C10orf90: variants seen among roughly 807,000 people sequenced by gnomAD.
The protein encoded by C10orf90 is chromosome 10 open reading frame 90, also known as (E2-independent) E3 ubiquitin-conjugating enzyme FATS.
C10orf90 carries 56 observed loss-of-function variants against 62.5 expected under a neutral mutation model. The ratio of observed to expected loss-of-function variants is 0.90; its 90% CI spans 0.72 to 1.12. The LOEUF is 1.12. C10orf90 is among the 50% of genes most tolerant of loss of function. The pLI is 0.00. For missense variants in C10orf90, 970 were observed against 880.4 expected (o/e 1.10, Z -1.29); for synonymous variants, 386 against 340.4 (o/e 1.13, Z -1.47).
chr10:126,606,894 A>G (rs1396912535), intron 2 of C10orf90, among the ~76,000 whole-genome samples: 3 of 152,244 alleles, frequency 2.0e-5, no homozygotes, highest in African/African-American at 7.2e-5. Context: ...GACAATAGCC[A>G]TCAGAAGAGT....
chr10:126,432,233 G>C (rs971981316), intron 7 of C10orf90, among the ~76,000 whole-genome samples: 2 of 152,214 alleles, frequency 1.3e-5, no homozygotes, highest in African/African-American at 4.8e-5. Flanking sequence ...CACTGGAGCA[G>C]CTTTGGGCAC....
chr10:126,566,065 C>A (rs1261450732), intron 2 of C10orf90, among the ~76,000 whole-genome samples: 1 of 152,190 alleles, frequency 6.6e-6, no homozygotes, highest in African/African-American at 2.4e-5. Context: ...TGAGTGGGCT[C>A]ATTGCCCAGC....
intron 2 of C10orf90, among the ~76,000 whole-genome samples, chr10:126,559,369 C>G (rs1192559939): frequency 6.6e-6 from 1 of 152,174 alleles, no homozygotes; most frequent in Non-Finnish European, 1.5e-5. Flanking sequence ...TATGGCTCAG[C>G]TTTTTTATGG....
intron 4 of C10orf90, among the ~76,000 whole-genome samples, chr10:126,488,547 G>C (rs1861556476): frequency 6.6e-6 from 1 of 151,652 alleles, no homozygotes; most frequent in Non-Finnish European, 1.5e-5. Context: ...ACAAACAATA[G>C]AGAAAATCAA....
intron 2 of C10orf90, among the ~76,000 whole-genome samples, chr10:126,571,502 C>A (rs910092289): frequency 1.3e-5 from 2 of 152,178 alleles, no homozygotes; most frequent in African/African-American, 2.4e-5. Flanking sequence ...TCCAGGCATA[C>A]CTGCACCCTG....
intron 4 of C10orf90, among the ~76,000 whole-genome samples, chr10:126,489,528 C>T (rs1861606889): frequency 6.6e-6 from 1 of 152,076 alleles, no homozygotes. Flanking sequence ...TGAGATAACA[C>T]TTCCCACCTA....
rs981992254 is a variant in C10orf90 at position 126,456,318 on chromosome 10, A to G, written c.2188+2722T>C. On this transcript the variant is annotated intron_variant, in intron 7 of 9. Coordinates refer to ENST00000488181, the MANE Select transcript of C10orf90 (RefSeq NM_001350921.2). This position sits in a 1 kb window ranked among gnomAD's most constrained non-coding sequence, Gnocchi z 4.9. ...GAACCCAAAAGTAAAGCTCTCATCG[A>G]CACATAAATACGGCAGGGATGGTCA... Among the ~76,000 whole-genome samples the G allele has an allele frequency of 1.3e-5, 2 of 152,164 alleles. No homozygotes were observed. Among genetic ancestry groups the G allele is most frequent in the Non-Finnish European group, 2.9e-5 (2 of 68,040 alleles).
intron 7 of C10orf90, among the ~76,000 whole-genome samples, chr10:126,457,093 A>T (rs1859634525): frequency 6.6e-6 from 1 of 152,184 alleles, no homozygotes; most frequent in Non-Finnish European, 1.5e-5. Context: ...AGCTCAGGTG[A>T]TCCTTGCACC....
intron 2 of C10orf90, among the ~76,000 whole-genome samples, chr10:126,527,966 A>G (rs1863993551): frequency 6.6e-6 from 1 of 152,220 alleles, no homozygotes; most frequent in Admixed American, 6.5e-5. Context: ...GCTAGTTACT[A>G]TTATAATTTA....
At chr10:126,626,816 A>T (rs1016074625) in intron 2 of C10orf90, among the ~76,000 whole-genome samples, 1 of 152,154 alleles carries the variant, frequency 6.6e-6, no homozygotes, top group Admixed American at 6.6e-5. Flanking sequence ...TTTTAAGTGA[A>T]GGTGTAACTT....
At position 126,504,705 on chromosome 10, in the gene C10orf90, G is replaced by C. The variant is rs1322132099; in HGVS notation, c.786C>G (p.Pro262=). Residue 262 remains proline (P), a synonymous_variant, in exon 4 of 10, where the codon CCC becomes CCG. Transcript: ENST00000488181. This position sits in a 1 kb window ranked among gnomAD's most constrained non-coding sequence, Gnocchi z 4.1. ...VWGTAGDSLC[P]KCRAEDTLFQ... ...ACAGTGTGTCCTCAGCCCTGCACTT[G>C]GGGCACAGAGAGTCCCCAGCAGTCC... is the stretch of plus-strand genomic sequence containing the variant. 1 of 1,610,994 alleles carries C rather than the reference G, an allele frequency of 6.2e-7. No individual in the cohort carries two copies. Among genetic ancestry groups the C allele is most frequent in the African/African-American group, 1.3e-5 (1 of 74,840 alleles).
chr10:126,568,543 C>T (rs1021455909), intron 2 of C10orf90, among the ~76,000 whole-genome samples: 1 of 152,130 alleles, frequency 6.6e-6, no homozygotes, highest in African/African-American at 2.4e-5. Flanking sequence ...TCAGACACAC[C>T]CTGATAATCT....
intron 2 of C10orf90, among the ~76,000 whole-genome samples, chr10:126,615,178 G>A: frequency 6.6e-6 from 1 of 152,202 alleles, no homozygotes; most frequent in East Asian, 1.9e-4. Context: ...CACCAAACCT[G>A]TCAAGCCTCT....
intron 2 of C10orf90, among the ~76,000 whole-genome samples, chr10:126,625,837 G>A (rs1483514400): frequency 6.6e-6 from 1 of 152,138 alleles, no homozygotes; most frequent in Non-Finnish European, 1.5e-5. Flanking sequence ...CAGGTGGGCT[G>A]GGCGCAGTGG....
At chr10:126,468,276 C>T (rs1449792710) in intron 4 of C10orf90, among the ~76,000 whole-genome samples, 1 of 152,120 alleles carries the variant, frequency 6.6e-6, no homozygotes, top group African/African-American at 2.4e-5. Context: ...ACCATGTTGG[C>T]CAGGATGGTC....
intron 2 of C10orf90, among the ~76,000 whole-genome samples, chr10:126,519,946 C>G (rs1190697400): frequency 6.6e-6 from 1 of 152,166 alleles, no homozygotes; most frequent in African/African-American, 2.4e-5. Flanking sequence ...CCTCAAACAG[C>G]TTTTGCAAAA....
chr10:126,597,862 G>A (rs193229203), intron 2 of C10orf90, among the ~76,000 whole-genome samples: 1 of 152,238 alleles, frequency 6.6e-6, no homozygotes, highest in Admixed American at 6.5e-5. Context: ...TGTGTCATCT[G>A]AGCCATTGCT....
intron 1 of C10orf90, among the ~76,000 whole-genome samples, chr10:126,647,816 C>T (rs980172290): frequency 6.6e-6 from 1 of 152,192 alleles, no homozygotes; most frequent in African/African-American, 2.4e-5. Flanking sequence ...CTTCTTTTAG[C>T]TCCACTGTGA....
intron 2 of C10orf90, among the ~76,000 whole-genome samples, chr10:126,566,012 C>T (rs889755044): frequency 2.6e-5 from 4 of 152,232 alleles, no homozygotes; most frequent in African/African-American, 9.6e-5. Flanking sequence ...TATTTTCAGA[C>T]TACCCTATTG....
Sources: allele counts gnomAD v4.1 joint callset (sites outside exome capture counted in the v4.1 genomes callset), GRCh38; gene constraint gnomAD v4.1.1; non-coding constraint Gnocchi (gnomAD v3.1); transcripts MANE v1.5; gene names NCBI Gene and HGNC (gene_info 2026-07-23, HGNC 2026-07-21).